Variants in PDE12 observed in about 807,000 individuals in gnomAD.
The protein encoded by PDE12 is 2',5'-phosphodiesterase 12.
A neutral mutation model predicts 45.4 loss-of-function variants in PDE12; 26 were observed. The observed-to-expected ratio is 0.57, with a 90% confidence interval of 0.42 to 0.79. The LOEUF is 0.79. Ranked by LOEUF, PDE12 falls within the 30% of genes least tolerant of loss-of-function variation. The probability of loss-of-function intolerance (pLI) is 0.00; values close to 1 mark genes in which losing one functional copy is unlikely to be tolerated. For missense variants in PDE12, 668 were observed against 790.0 expected, an observed-to-expected ratio of 0.85 and a Z score of 1.85; for synonymous variants, 283 against 323.9, an observed-to-expected ratio of 0.87 and a Z score of 1.36.
At chr3:57,572,429 G>A in the PDE12 span, 1 of 644,998 alleles carries the variant, frequency 1.6e-6, no homozygotes, top group Non-Finnish European at 2.6e-6. Flanking sequence ...CATATTTAAA[G>A]CTACTTCTGG....
At chr3:57,645,769 A>G in the PDE12 span, 1 of 1,589,750 alleles carries the variant, frequency 6.3e-7, no homozygotes, top group Non-Finnish European at 8.6e-7. Flanking sequence ...GTGGAGCAGG[A>G]AGAACATGTA....
chr3:57,628,405 C>T, the PDE12 span: 1 of 1,559,900 alleles, frequency 6.4e-7, no homozygotes, highest in East Asian at 2.3e-5. Context: ...TAATACATTA[C>T]ATTCTCTAAA....
the PDE12 span, among the ~76,000 whole-genome samples, chr3:57,645,361 T>G: frequency 6.6e-6 from 1 of 152,072 alleles, no homozygotes; most frequent in Non-Finnish European, 1.5e-5. Context: ...CTCAGGAGGC[T>G]GAGGCAGGAG....
chr3:57,634,773 A>T, the PDE12 span: 1 of 1,552,640 alleles, frequency 6.4e-7, no homozygotes, highest in Non-Finnish European at 8.7e-7. Context: ...ATTTCACCTG[A>T]AGGAAGCAGC....
At chr3:57,597,061 G>T in the PDE12 span, 3 of 1,613,464 alleles carry the variant, frequency 1.9e-6, no homozygotes, top group Non-Finnish European at 2.5e-6. Flanking sequence ...CTGACTCGCA[G>T]CCCCTCACTC....
chr3:57,647,371 A>G, the PDE12 span, among the ~76,000 whole-genome samples: 1 of 152,120 alleles, frequency 6.6e-6, no homozygotes, highest in Non-Finnish European at 1.5e-5. Flanking sequence ...TCAGTCCTAA[A>G]GCAGAACATG....
chr3:57,637,717 C>T, the PDE12 span, among the ~76,000 whole-genome samples: 1 of 140,656 alleles, frequency 7.1e-6, no homozygotes. Context: ...GATTTCATGA[C>T]TATGACACCA....
At chr3:57,584,372 A>T in the PDE12 span, 3 of 1,585,446 alleles carry the variant, frequency 1.9e-6, no homozygotes, top group Non-Finnish European at 2.6e-6. Flanking sequence ...AGTCATCTGT[A>T]AACTTTCTTA....
the PDE12 span, among the ~76,000 whole-genome samples, chr3:57,599,415 A>C: frequency 6.6e-6 from 1 of 152,164 alleles, no homozygotes; most frequent in African/African-American, 2.4e-5. Flanking sequence ...TTCACACTTT[A>C]GGCCTTATGT....
At chr3:57,603,653 G>T in the PDE12 span, among the ~76,000 whole-genome samples, 1 of 129,892 alleles carries the variant, frequency 7.7e-6, no homozygotes, top group African/African-American at 3.0e-5. Context: ...ATGAAGTTTC[G>T]CTCTTATTGC....
At chr3:57,647,672 G>T in the PDE12 span, among the ~76,000 whole-genome samples, 1 of 152,072 alleles carries the variant, frequency 6.6e-6, no homozygotes, top group Non-Finnish European at 1.5e-5. Flanking sequence ...GAGAAATGAG[G>T]GTATCTCCAT....
the PDE12 span, among the ~76,000 whole-genome samples, chr3:57,578,906 T>C: frequency 1.3e-5 from 2 of 150,368 alleles, no homozygotes; most frequent in Non-Finnish European, 3.0e-5. Context: ...GGGGCAAAAA[T>C]AAAAATAATA....
the PDE12 span, among the ~76,000 whole-genome samples, chr3:57,631,679 C>G: frequency 1.3e-5 from 2 of 148,854 alleles, no homozygotes; most frequent in South Asian, 4.2e-4. Context: ...ACAATTTAGA[C>G]TTGAAATGAG....
chr3:57,559,214 G>A lies in PDE12; in HGVS notation c.1309-96G>A, dbSNP rs1162396887. On this transcript the variant is annotated intron_variant, in intron 1 of 2. Coordinates refer to ENST00000311180, the MANE Select transcript of PDE12 (RefSeq NM_177966.7). ...CCAGCCTGGTTGACAGAGTGAGACT[G>A]TCTCGAAAAAACTCAAAAAAACAAA... is the stretch of plus-strand genomic sequence containing the variant. 8 of 1,007,286 alleles carry A rather than the reference G, an allele frequency of 7.9e-6. No individual in the cohort carries two copies. In the African/African-American group the frequency reaches 9.6e-5, roughly 12 times the overall value. The allele number at this position is 1,007,286 out of a possible 1,614,324, so 62.4% of individuals were successfully genotyped here. A position where few individuals can be genotyped will look rare whatever the true frequency, so the allele number is the denominator to read the frequency against.
At chr3:57,635,099 A>AT in the PDE12 span, among the ~76,000 whole-genome samples, 2 of 152,226 alleles carry the variant, frequency 1.3e-5, no homozygotes, top group African/African-American at 4.8e-5. Flanking sequence ...ATAAAACTGA[A>AT]AATTTAGATG....
At chr3:57,576,975 A>AT in the PDE12 span, among the ~76,000 whole-genome samples, 1 of 151,838 alleles carries the variant, frequency 6.6e-6, no homozygotes, top group Admixed American at 6.6e-5. Context: ...TATAGATTTG[A>AT]TATCTGTAAA....
chr3:57,633,181 G>C, the PDE12 span: 1 of 1,158,726 alleles, frequency 8.6e-7, no homozygotes, highest in Non-Finnish European at 1.3e-6. Flanking sequence ...CACAACTTAA[G>C]ATATGGTTTT....
At chr3:57,626,158 TTC>T in the PDE12 span, 2 of 152,630 alleles carry the variant, frequency 1.3e-5, no homozygotes, top group African/African-American at 4.8e-5. Context: ...AAATGCCATA[TTC>T]TCTCTATGAC....
At chr3:57,653,243 T>A in the PDE12 span, among the ~76,000 whole-genome samples, 1 of 152,164 alleles carries the variant, frequency 6.6e-6, no homozygotes, top group Non-Finnish European at 1.5e-5. Context: ...TGGGATTCCT[T>A]TAAGGCACCA....
Sources: gnomAD v4.1 joint callset for allele counts (sites outside exome capture counted in the v4.1 genomes callset) on GRCh38, gnomAD v4.1.1 for gene constraint, MANE v1.5 for transcripts, NCBI Gene and HGNC (gene_info 2026-07-23, HGNC 2026-07-21) for gene names.